Variants in CDC42BPA observed in about 807,000 individuals in gnomAD.
CDC42BPA encodes the protein CDC42 binding protein kinase alpha.
Under a neutral mutation model 223.5 loss-of-function variants are expected in CDC42BPA, and 80 were observed. That is an observed-to-expected ratio of 0.36 (90% CI 0.30 to 0.43). The LOEUF (loss-of-function observed/expected upper bound fraction) is 0.43, where lower values mean the gene tolerates loss of function less well. CDC42BPA is among the 20% of genes least tolerant of loss of function. The pLI is 1.00. For synonymous variants in CDC42BPA, 694 were observed against 718.6 expected, an observed-to-expected ratio of 0.97 and a Z score of 0.55; for missense variants, 1,743 against 2,099.9, an observed-to-expected ratio of 0.83 and a Z score of 3.32.
At chr1:227,034,282 G>A (rs535039073) in intron 26 of CDC42BPA, among the ~76,000 whole-genome samples, 9 of 152,294 alleles carry the variant, frequency 5.9e-5, no homozygotes, top group Non-Finnish European at 7.4e-5. Flanking sequence ...AATGTTTACT[G>A]ATTATGTTTT....
At chr1:227,069,999 A>G (rs1558425329) in intron 20 of CDC42BPA, 146 bp from the exon 21 acceptor site, 2 of 502,270 alleles carry the variant, frequency 4.0e-6, no homozygotes, top group Non-Finnish European at 7.2e-6. Context: ...ACATTTAAAC[A>G]AAACTAAAAT....
At position 227,091,974 on chromosome 1, in the gene CDC42BPA, T is replaced by C. The variant is rs1408677004; in HGVS notation, c.2267A>G (p.Glu756Gly). 2.5e-6 allele frequency: 4 copies of C among 1,597,870 alleles called. No individual in the cohort carries two copies. In the African/African-American group the frequency reaches 4.0e-5, roughly 16 times the overall value. Residue 756 changes from glutamate to glycine, a missense_variant, in exon 16 of 37, where the codon GAA becomes GGA. Physicochemically the swap from Glu to Gly is moderately conservative, Grantham distance 98 (BLOSUM62 -2). Around this residue, in one of 6 missense-constraint regions of CDC42BPA, gnomAD observed 464 missense variants for 488.0 expected, o/e 0.95. Coordinates refer to ENST00000366766, the MANE Select transcript of CDC42BPA (RefSeq NM_001394014.1). The stretch of plus-strand genomic sequence containing the variant: ...TTGTTGTTTGAACTCACTTTCAAAT[T>C]CCTCCCTTTCACTTTGACTAACACA... ...TRRESQSERE[E>G]FESEFKQQYE...
In CDC42BPA at chr1:227,296,997, T is replaced by C. The variant is rs569543725; in HGVS notation, c.178+20008A>G. Among the ~76,000 whole-genome samples the C allele has an allele frequency of 1.4e-4, 22 of 152,278 alleles. No homozygotes were observed. In the East Asian group the frequency reaches 3.5e-3, roughly 24 times the overall value. ...ACAAAAGATAAATGCAATTTTTAAA[T>C]AGACAAAGAATAGGCGAGACTATGC... On this transcript the variant is annotated intron_variant, in intron 1 of 36. Transcript: ENST00000366766.
chr1:227,249,825 A>G (rs1372594597), intron 2 of CDC42BPA, among the ~76,000 whole-genome samples: 1 of 152,178 alleles, frequency 6.6e-6, no homozygotes, highest in Non-Finnish European at 1.5e-5. Context: ...TGTGGAGAAA[A>G]AGGAGATGGG....
chr1:227,273,622 T>C (rs1210284017), intron 1 of CDC42BPA, among the ~76,000 whole-genome samples: 6 of 148,254 alleles, frequency 4.0e-5, no homozygotes, highest in African/African-American at 7.4e-5. Context: ...TAGGGAGGAG[T>C]TCAACTTATA....
At chr1:227,047,467 C>T (rs1236586058) in intron 23 of CDC42BPA, among the ~76,000 whole-genome samples, 3 of 152,020 alleles carry the variant, frequency 2.0e-5, no homozygotes, top group Non-Finnish European at 4.4e-5. Context: ...TTTCCAATTT[C>T]TGGAATTTCT....
chr1:227,073,297 C>T (rs1678803728), intron 19 of CDC42BPA, among the ~76,000 whole-genome samples: 1 of 152,114 alleles, frequency 6.6e-6, no homozygotes, highest in Admixed American at 6.5e-5. Context: ...GAGTATGATT[C>T]ACTCTAGTGT....
At chr1:227,144,130 GAA>G (rs373611552) in intron 8 of CDC42BPA, among the ~76,000 whole-genome samples, 1 of 152,026 alleles carries the variant, frequency 6.6e-6, no homozygotes, top group African/African-American at 2.4e-5. Context: ...CTGTTTCAGT[GAA>G]AAGTTATATA....
At chr1:227,073,188 T>C (rs1032347712) in intron 19 of CDC42BPA, among the ~76,000 whole-genome samples, 7 of 152,276 alleles carry the variant, frequency 4.6e-5, no homozygotes, top group African/African-American at 1.7e-4. Context: ...GTAGTTTCAC[T>C]TGTGATGTGA....
At chr1:227,261,344 G>T (rs1684033450) in intron 1 of CDC42BPA, among the ~76,000 whole-genome samples, 3 of 150,674 alleles carry the variant, frequency 2.0e-5, no homozygotes, top group African/African-American at 7.5e-5. Flanking sequence ...TTGAACTCCT[G>T]ACTTCAGGTG....
In CDC42BPA at chr1:227,073,845, C is replaced by G. The variant is rs1678928575; in HGVS notation, c.2735+19G>C. On this transcript the variant is annotated intron_variant, in intron 19 of 36. Coordinates refer to ENST00000366766, the MANE Select transcript of CDC42BPA (RefSeq NM_001394014.1). ...AAACTTAGAAATTATTCTAGTGGGA[C>G]TATATGATTCAATCTTACCATTCTG... is the stretch of plus-strand genomic sequence containing the variant. 6.6e-7 allele frequency: 1 copy of G among 1,511,720 alleles called. No homozygotes were observed. The highest frequency in any genetic ancestry group is 2.4e-5 in the East Asian group (1 of 41,908). 93.6% of individuals were successfully genotyped at this position (1,511,720 alleles called of 1,614,324 possible).
intron 8 of CDC42BPA, 34 bp downstream of exon 8, chr1:227,145,455 G>A (rs997574726): frequency 1.3e-6 from 2 of 1,582,198 alleles, no homozygotes; most frequent in Non-Finnish European, 1.7e-6. Context: ...GAAAGAAACA[G>A]AGGGACAGAA....
intron 21 of CDC42BPA, among the ~76,000 whole-genome samples, chr1:227,058,358 C>A (rs73091759): frequency 0.15 from 23,476 of 152,108 alleles, 2,189 homozygotes; most frequent in African/African-American, 0.25. Context: ...CAGCAGGCCA[C>A]CCCTACTGCT....
intron 2 of CDC42BPA, among the ~76,000 whole-genome samples, chr1:227,214,931 A>G (rs1674565607): frequency 6.6e-6 from 1 of 152,196 alleles, no homozygotes; most frequent in African/African-American, 2.4e-5. Context: ...ATACAGGTCC[A>G]TAATCCCTTA....
intron 16 of CDC42BPA, among the ~76,000 whole-genome samples, chr1:227,083,833 G>C (rs1378852135): frequency 6.6e-6 from 1 of 152,118 alleles, no homozygotes; most frequent in Non-Finnish European, 1.5e-5. Context: ...GCTTTCAATG[G>C]GTTCAACTGA....
intron 1 of CDC42BPA, among the ~76,000 whole-genome samples, chr1:227,267,252 T>C (rs1685162667): frequency 6.6e-6 from 1 of 152,228 alleles, no homozygotes. Context: ...ATATCCAATT[T>C]AGTTCTAATC....
At chr1:227,262,467 C>T (rs1227959385) in intron 1 of CDC42BPA, among the ~76,000 whole-genome samples, 1 of 141,214 alleles carries the variant, frequency 7.1e-6, no homozygotes, top group Non-Finnish European at 1.5e-5. Context: ...CTATGAATTC[C>T]TCCCAAGAAA....
At chr1:227,142,284 T>C (rs980024114) in intron 9 of CDC42BPA, among the ~76,000 whole-genome samples, 2 of 151,972 alleles carry the variant, frequency 1.3e-5, no homozygotes, top group Admixed American at 6.6e-5. Context: ...AAGGGGGAAA[T>C]AGGGAATATA....
At chr1:227,089,628 T>C (rs1023421570) in intron 16 of CDC42BPA, among the ~76,000 whole-genome samples, 1 of 23,062 alleles carries the variant, frequency 4.3e-5, no homozygotes, top group Non-Finnish European at 9.7e-5. Context: ...GGTAATTCCG[T>C]TTTTTTTTTT....
Sources: gnomAD v4.1 joint callset for allele counts (sites outside exome capture counted in the v4.1 genomes callset) on GRCh38, gnomAD v4.1.1 for gene constraint, gnomAD v4.1.1 regional missense constraint, MANE v1.5 for transcripts, NCBI Gene and HGNC (gene_info 2026-07-23, HGNC 2026-07-21) for gene names.